The following CAMK2D variants were observed in gnomAD, a reference collection of about 807,000 sequenced individuals.
CAMK2D encodes calcium/calmodulin-dependent protein kinase type II subunit delta.
Under a neutral mutation model 84.0 loss-of-function variants are expected in CAMK2D, and 37 were observed. The observed-to-expected ratio is 0.44, with a 90% CI of 0.34 to 0.58. The LOEUF (loss-of-function observed/expected upper bound fraction) is 0.58, where lower values mean the gene tolerates loss of function less well. CAMK2D is among the 20% of genes least tolerant of loss of function. The pLI is 0.02. For missense variants in CAMK2D, 448 were observed against 652.5 expected (o/e 0.69, Z 3.41); for synonymous variants, 202 against 212.5 (o/e 0.95, Z 0.43).
chr4:113,459,246 T>A (rs747566472), intron 18 of CAMK2D, among the ~76,000 whole-genome samples: 1 of 152,160 alleles, frequency 6.6e-6, no homozygotes, highest in South Asian at 2.1e-4. Context: ...TGAGACAGGG[T>A]CTCGTTCTGT....
At chr4:113,630,434 G>A (rs950443560) in intron 3 of CAMK2D, among the ~76,000 whole-genome samples, 1 of 152,084 alleles carries the variant, frequency 6.6e-6, no homozygotes, top group Non-Finnish European at 1.5e-5. Context: ...AAACACTTGG[G>A]TATACGCCAT....
At chr4:113,472,427 C>T (rs559558396) in intron 16 of CAMK2D, among the ~76,000 whole-genome samples, 172 of 152,106 alleles carry the variant, frequency 1.1e-3, no homozygotes, top group Non-Finnish European at 2.0e-3. Flanking sequence ...TTTCAGATGC[C>T]GGAATAGCAG....
chr4:113,479,728 C>T (rs1447216326), intron 16 of CAMK2D, among the ~76,000 whole-genome samples: 1 of 152,132 alleles, frequency 6.6e-6, no homozygotes, highest in Non-Finnish European at 1.5e-5. Context: ...AACATTTATA[C>T]CTACTTATCT....
At chr4:113,638,147 T>A (rs558861837) in intron 3 of CAMK2D, among the ~76,000 whole-genome samples, 252 of 152,310 alleles carry the variant, frequency 1.7e-3, no homozygotes, top group Admixed American at 3.7e-3. Flanking sequence ...ATTCTGTGCA[T>A]TTACCCATGC....
At chr4:113,631,417 A>G (rs952320549) in intron 3 of CAMK2D, among the ~76,000 whole-genome samples, 21 of 152,198 alleles carry the variant, frequency 1.4e-4, no homozygotes, top group African/African-American at 5.1e-4. Context: ...AAGGTGGTAC[A>G]TTGATAATTT....
chr4:113,761,469 G>A lies in CAMK2D; in HGVS notation c.-401C>T. 2 of 1,124,494 alleles carry A rather than the reference G, an allele frequency of 1.8e-6. No individual in the cohort carries two copies. The highest frequency in any genetic ancestry group is 4.4e-5 in the South Asian group (2 of 45,746). The allele number at this position is 1,124,494 out of a possible 1,614,324, so 69.7% of individuals were successfully genotyped here. On this transcript the variant is annotated 5_prime_UTR_variant, in exon 1 of 21. Transcript: ENST00000511664. ...TTGCGAAACGATCCGCACTGGAGCAGGAGGAGTAGAAGCAGAGGGGAGGGA... is the reference window on the plus strand; with the variant it reads ...TTGCGAAACGATCCGCACTGGAGCAAGAGGAGTAGAAGCAGAGGGGAGGGA...
chr4:113,662,434 G>A (rs543064362), intron 2 of CAMK2D, among the ~76,000 whole-genome samples: 24 of 151,822 alleles, frequency 1.6e-4, no homozygotes, highest in African/African-American at 3.6e-4. Flanking sequence ...TTTGGTGGAG[G>A]TACCTATAAA....
chr4:113,522,492 G>C (rs1461523998), intron 8 of CAMK2D, among the ~76,000 whole-genome samples: 2 of 152,200 alleles, frequency 1.3e-5, no homozygotes, highest in Non-Finnish European at 2.9e-5. Flanking sequence ...AGAACAAAGA[G>C]CTAGAAGATC....
In CAMK2D at chr4:113,507,251, CT is replaced by C. The variant is rs35488611; in HGVS notation, c.985-2217del. On this transcript the variant is annotated intron_variant, in intron 13 of 20. Coordinates refer to ENST00000511664, the MANE Select transcript of CAMK2D (RefSeq NM_001321571.2). ...TAAGTATAGGTTCAACCACAAATGT[CT>C]TTTTTTTTTTTCTTTGAGATGGAGT... Among the ~76,000 whole-genome samples the C allele has an allele frequency of 5.9e-3, 858 of 145,274 alleles. 9 individuals are homozygous for C. Among genetic ancestry groups the C allele is most frequent in the Middle Eastern group, 0.025 (7 of 278 alleles).
intron 1 of CAMK2D, among the ~76,000 whole-genome samples, chr4:113,760,094 T>TA (rs1242181793): frequency 1.3e-5 from 2 of 152,148 alleles, no homozygotes; most frequent in Admixed American, 1.3e-4. Flanking sequence ...TTCATAAAAG[T>TA]AACAGTCGAA....
At chr4:113,694,456 C>T (rs976349397) in intron 2 of CAMK2D, among the ~76,000 whole-genome samples, 18 of 152,124 alleles carry the variant, frequency 1.2e-4, no homozygotes, top group African/African-American at 4.3e-4. Context: ...CATAAAATAG[C>T]TATCTCTATG....
intron 2 of CAMK2D, among the ~76,000 whole-genome samples, chr4:113,697,985 C>T (rs2099407815): frequency 6.6e-6 from 1 of 151,996 alleles, no homozygotes; most frequent in South Asian, 2.1e-4. Flanking sequence ...AGTTACATCC[C>T]AATAAACCCA....
intron 4 of CAMK2D, among the ~76,000 whole-genome samples, chr4:113,578,223 C>T (rs997406160): frequency 6.6e-6 from 1 of 152,170 alleles, no homozygotes; most frequent in African/African-American, 2.4e-5. Flanking sequence ...TCATAGTCAG[C>T]CCCTTTGTTC....
At chr4:113,619,777 C>G (rs1013520457) in intron 3 of CAMK2D, among the ~76,000 whole-genome samples, 8 of 152,172 alleles carry the variant, frequency 5.3e-5, no homozygotes, top group African/African-American at 1.9e-4. Context: ...TGGTATAAAG[C>G]TAGGATTTCA....
intron 4 of CAMK2D, among the ~76,000 whole-genome samples, chr4:113,552,701 T>C (rs1312877277): frequency 6.6e-6 from 1 of 152,172 alleles, no homozygotes; most frequent in African/African-American, 2.4e-5. Context: ...TTAATAGAGA[T>C]ATGCATATGC....
intron 2 of CAMK2D, among the ~76,000 whole-genome samples, chr4:113,671,546 G>A (rs2099284056): frequency 6.6e-6 from 1 of 152,172 alleles, no homozygotes; most frequent in Admixed American, 6.5e-5. Flanking sequence ...TTCTCTTTGT[G>A]TTGGGCGACA....
At chr4:113,599,638 C>T (rs964476005) in intron 4 of CAMK2D, among the ~76,000 whole-genome samples, 2 of 152,140 alleles carry the variant, frequency 1.3e-5, no homozygotes, top group African/African-American at 2.4e-5. Context: ...TGATTCCCCA[C>T]AAATTTAACT....
At chr4:113,604,611 A>G (rs1412003367) in intron 4 of CAMK2D, among the ~76,000 whole-genome samples, 1 of 152,218 alleles carries the variant, frequency 6.6e-6, no homozygotes, top group African/African-American at 2.4e-5. Flanking sequence ...CATATTTCAA[A>G]TTACTATGGT....
At chr4:113,730,497 AG>A (rs2099563793) in intron 2 of CAMK2D, among the ~76,000 whole-genome samples, 1 of 152,252 alleles carries the variant, frequency 6.6e-6, no homozygotes, top group South Asian at 2.1e-4. Flanking sequence ...CATTTGCTGT[AG>A]GTAGAAAGAC....
Sources: allele counts gnomAD v4.1 joint callset (sites outside exome capture counted in the v4.1 genomes callset), GRCh38; gene constraint gnomAD v4.1.1; transcripts MANE v1.5; gene names NCBI Gene and HGNC (gene_info 2026-07-23, HGNC 2026-07-21).